The following TENM3 variants were observed in gnomAD, a reference collection of about 807,000 sequenced individuals.
TENM3 encodes teneurin transmembrane protein 3.
Under a neutral mutation model 255.1 loss-of-function variants are expected in TENM3, and 63 were observed. The observed-to-expected ratio is 0.25, with a 90% CI of 0.20 to 0.30. The LOEUF is 0.30. Among genes scored for constraint, TENM3 ranks in the 10% least tolerant of loss-of-function variants. The probability of loss-of-function intolerance (pLI) is 1.00; values close to 1 mark genes in which losing one functional copy is unlikely to be tolerated. For synonymous variants in TENM3, 1,306 were observed against 1,322.3 expected (o/e 0.99, Z 0.27); for missense variants, 2,929 against 3,461.1 (o/e 0.85, Z 3.86).
chr4:182,090,944 G>A, the TENM3 span, among the ~76,000 whole-genome samples: 1 of 151,868 alleles, frequency 6.6e-6, no homozygotes, highest in South Asian at 2.1e-4. Flanking sequence ...TTCTAAAATG[G>A]CACTGTTATC....
At chr4:182,573,797 T>C (rs1346525791) in intron 3 of TENM3, among the ~76,000 whole-genome samples, 1 of 152,156 alleles carries the variant, frequency 6.6e-6, no homozygotes, top group South Asian at 2.1e-4. Context: ...TTCCCAAATG[T>C]TATGTTTTAT....
the TENM3 span, among the ~76,000 whole-genome samples, chr4:181,891,033 A>T: frequency 1.3e-5 from 2 of 152,128 alleles, no homozygotes; most frequent in Non-Finnish European, 2.9e-5. Context: ...CAGCTCTTAA[A>T]GGGCTTTCTC....
At chr4:182,254,458 T>C (rs1221100614) in intron 1 of TENM3, among the ~76,000 whole-genome samples, 2 of 152,122 alleles carry the variant, frequency 1.3e-5, no homozygotes, top group Admixed American at 6.6e-5. Flanking sequence ...TGAAAATGAA[T>C]TGGGAAGTCA....
At chr4:181,542,819 T>A in the TENM3 span, among the ~76,000 whole-genome samples, 2 of 152,148 alleles carry the variant, frequency 1.3e-5, no homozygotes, top group African/African-American at 4.8e-5. Flanking sequence ...TATCTCCGCA[T>A]GTTAGAGTTG....
the TENM3 span, among the ~76,000 whole-genome samples, chr4:181,970,274 C>T: frequency 1.3e-5 from 2 of 151,968 alleles, no homozygotes; most frequent in African/African-American, 4.8e-5. Flanking sequence ...ATTTGCAAAA[C>T]GGAGTTATCA....
At chr4:182,367,218 G>T (rs571445815) in intron 3 of TENM3, among the ~76,000 whole-genome samples, 1 of 152,160 alleles carries the variant, frequency 6.6e-6, no homozygotes, top group Admixed American at 6.5e-5. Flanking sequence ...AGTTGGAACC[G>T]CTCCAGGAAG....
chr4:182,599,073 C>T (rs1747562515), intron 3 of TENM3, among the ~76,000 whole-genome samples: 1 of 152,288 alleles, frequency 6.6e-6, no homozygotes, highest in Admixed American at 6.5e-5. Context: ...TCTGTTGACA[C>T]CAACCTAGTC....
the TENM3 span, among the ~76,000 whole-genome samples, chr4:181,578,823 G>A: frequency 6.6e-6 from 1 of 152,198 alleles, no homozygotes; most frequent in East Asian, 1.9e-4. Flanking sequence ...AACTCATTAT[G>A]CCTCATTTTA....
chr4:181,484,093 T>G, the TENM3 span, among the ~76,000 whole-genome samples: 1 of 152,274 alleles, frequency 6.6e-6, no homozygotes, highest in Non-Finnish European at 1.5e-5. Context: ...GTTTGGTTTG[T>G]ATTTCCAGCC....
At chr4:181,520,679 A>G in the TENM3 span, among the ~76,000 whole-genome samples, 5 of 152,188 alleles carry the variant, frequency 3.3e-5, no homozygotes, top group African/African-American at 4.8e-5. Context: ...ATCCTGAAAG[A>G]AAAAGAAAAG....
In TENM3 at chr4:182,762,480, G is replaced by A. The variant is rs373734621; in HGVS notation, c.4892+7221G>A. ...CAATAAGTTTACACATGGACGATCA[G>A]TGCAAGAGAACTTTTCATGTTTTAC... On this transcript the variant is annotated intron_variant, in intron 22 of 27. Coordinates refer to ENST00000511685, the MANE Select transcript of TENM3 (RefSeq NM_001080477.4). Among the ~76,000 whole-genome samples the A allele has an allele frequency of 2.6e-5, 4 of 152,206 alleles. No homozygotes were observed. The East Asian group carries it at 7.7e-4, about 29-fold the overall frequency.
At chr4:182,008,436 T>C in the TENM3 span, among the ~76,000 whole-genome samples, 5 of 152,006 alleles carry the variant, frequency 3.3e-5, no homozygotes, top group African/African-American at 1.2e-4. Flanking sequence ...TCATTCCTTG[T>C]CTTTCTTTTT....
the TENM3 span, among the ~76,000 whole-genome samples, chr4:181,642,089 C>T: frequency 4.6e-5 from 7 of 151,880 alleles, no homozygotes; most frequent in Admixed American, 2.6e-4. Flanking sequence ...CTCCCACCAA[C>T]AGTGTAAAAG....
At chr4:182,422,113 G>A (rs773148271) in intron 3 of TENM3, among the ~76,000 whole-genome samples, 5 of 152,266 alleles carry the variant, frequency 3.3e-5, no homozygotes, top group Middle Eastern at 6.8e-3. Flanking sequence ...TAATGTAAAT[G>A]TGTTCCTGTG....
intron 5 of TENM3, chr4:182,631,370 T>A (rs951048693): frequency 6.6e-6 from 1 of 152,246 alleles, no homozygotes; most frequent in Non-Finnish European, 1.5e-5. Context: ...ATTAAGCACA[T>A]GTGTGCTTCC....
At chr4:182,148,512 C>A (rs2149568864) in intron 1 of TENM3, among the ~76,000 whole-genome samples, 1 of 152,192 alleles carries the variant, frequency 6.6e-6, no homozygotes, top group African/African-American at 2.4e-5. Context: ...TATTTTCTTG[C>A]CCATCAAAGG....
rs1473913274 is a variant in TENM3, at chr4:182,468,823, C to CTT, written c.511+121895_511+121896dup. Among the ~76,000 whole-genome samples the CTT allele has an allele frequency of 6.3e-3, 394 of 62,554 alleles. 1 individual carries two copies. The highest frequency in any genetic ancestry group is 0.023 in the Middle Eastern group (3 of 130). 41.0% of individuals were successfully genotyped at this position (62,554 alleles called of 152,430 possible). The stretch of plus-strand genomic sequence containing the variant: ...TTGAAAATAAAAAAAATCCTGTGTG[C>CTT]TTGTGTGTGTGTGTGTGTGTGTGTG... On this transcript the variant is annotated intron_variant, in intron 3 of 27. Coordinates refer to ENST00000511685, the MANE Select transcript of TENM3 (RefSeq NM_001080477.4).
the TENM3 span, among the ~76,000 whole-genome samples, chr4:182,133,703 T>C: frequency 3.3e-5 from 5 of 152,218 alleles, no homozygotes; most frequent in African/African-American, 1.2e-4. Context: ...AGCTGGAATT[T>C]CTTCTGGTAG....
At chr4:182,240,826 C>T (rs955127011), upstream of TENM3, among the ~76,000 whole-genome samples, 1 of 152,118 alleles carries the variant, frequency 6.6e-6, no homozygotes, top group Non-Finnish European at 1.5e-5. Context: ...TGCTGTTTTG[C>T]CTGTTTGTCA....
Sources: gnomAD v4.1 joint callset for allele counts (sites outside exome capture counted in the v4.1 genomes callset) on GRCh38, gnomAD v4.1.1 for gene constraint, MANE v1.5 for transcripts, NCBI Gene and HGNC (gene_info 2026-07-23, HGNC 2026-07-21) for gene names.